The following CELF3 variants were observed in gnomAD, a reference collection of about 807,000 sequenced individuals.
CELF3 encodes the protein CAG repeat domain.
Under a neutral mutation model 59.6 loss-of-function variants are expected in CELF3, and 26 were observed. The ratio of observed to expected loss-of-function variants is 0.44; its 90% CI spans 0.32 to 0.61. The LOEUF (loss-of-function observed/expected upper bound fraction) is 0.61, where lower values mean the gene tolerates loss of function less well. CELF3 is among the 20% of genes least tolerant of loss of function. The probability of loss-of-function intolerance (pLI) is 0.06; values close to 1 mark genes in which losing one functional copy is unlikely to be tolerated. For missense variants in CELF3, 387 were observed against 627.2 expected (o/e 0.62, Z 4.09); for synonymous variants, 245 against 250.7 (o/e 0.98, Z 0.22).
chr1:151,714,432 G>T lies in CELF3; in HGVS notation c.228+162C>A, dbSNP rs1673284104. Reference sequence around the variant, plus strand: ...TCCTTCTCTCCAGGTAACAAGAAATGCATGCATCTACAGCAAGAAAGATGG... The same window carrying T: ...TCCTTCTCTCCAGGTAACAAGAAATTCATGCATCTACAGCAAGAAAGATGG... On this transcript the variant is annotated intron_variant, in intron 2 of 12. Transcript: ENST00000290583. 12 of 693,394 alleles carry T rather than the reference G, an allele frequency of 1.7e-5. No homozygotes were observed. The South Asian group carries it at 1.9e-4, about 11-fold the overall frequency. 43.0% of individuals were successfully genotyped at this position (693,394 alleles called of 1,614,324 possible).
At position 151,709,112 on chromosome 1, in the gene CELF3, G is replaced by A; in HGVS notation, c.407-35C>T. ...TTGAGATGGAGGAGGAGAGGGGTAAGCACCCATCCCTGCGGGACCCCGCGG... is the reference window on the plus strand; with the variant it reads ...TTGAGATGGAGGAGGAGAGGGGTAAACACCCATCCCTGCGGGACCCCGCGG... On this transcript the variant is annotated intron_variant, in intron 4 of 12. Transcript: ENST00000290583. The surrounding 1 kb of genome is among the most constrained non-coding windows in gnomAD (Gnocchi z 4.9). The A allele has an allele frequency of 6.2e-7, 1 of 1,610,602 alleles. No homozygotes were observed.
At position 151,705,732 on chromosome 1, in the gene CELF3, G is replaced by C; in HGVS notation, c.1270+90C>G. On this transcript the variant is annotated intron_variant, in intron 11 of 12. Coordinates refer to ENST00000290583, the MANE Select transcript of CELF3 (RefSeq NM_007185.7). The surrounding 1 kb of genome is among the most constrained non-coding windows in gnomAD (Gnocchi z 5.1). ...TTGGATAATCAGTATTTCAAATACT[G>C]GGTCCACTGTGACCATAAATGCCTT... 5.8e-6 allele frequency: 8 copies of C among 1,372,362 alleles called. No homozygotes were observed. The highest frequency in any genetic ancestry group is 7.1e-6 in the Non-Finnish European group (7 of 988,386). 85.0% of individuals were successfully genotyped at this position (1,372,362 alleles called of 1,614,324 possible).
In CELF3 at chr1:151,714,683, A is replaced by G. The variant is rs1454916993; in HGVS notation, c.146-7T>C. 2 of 1,542,280 alleles carry G rather than the reference A, an allele frequency of 1.3e-6. No individual in the cohort carries two copies. Among genetic ancestry groups the G allele is most frequent in the Non-Finnish European group, 1.8e-6 (2 of 1,140,620 alleles). On this transcript the variant is annotated splice_polypyrimidine_tract_variant and splice_region_variant and intron_variant, in intron 1 of 12. Transcript: ENST00000290583. ...TATGTCAGGAAGGCACATCCTGAGG[A>G]GGGGCAGGGGCAGAGAAACACGGCG...
intron 5 of CELF3, 90 bp from the exon 6 acceptor site, chr1:151,708,025 A>T (rs1461854738): frequency 1.4e-6 from 2 of 1,434,532 alleles, no homozygotes; most frequent in African/African-American, 2.8e-5. Context: ...TTCCACCCCC[A>T]TGGCATGGCT....
chr1:151,705,518 G>A lies in CELF3; in HGVS notation c.1270+304C>T, dbSNP rs1672432907. 6.6e-6 allele frequency among the ~76,000 whole-genome samples: 1 copy of A among 152,190 alleles called. No homozygotes were observed. Among genetic ancestry groups the A allele is most frequent in the Admixed American group, 6.5e-5 (1 of 15,280 alleles). On this transcript the variant is annotated intron_variant, in intron 11 of 12. Coordinates refer to ENST00000290583, the MANE Select transcript of CELF3 (RefSeq NM_007185.7). The surrounding 1 kb of genome is among the most constrained non-coding windows in gnomAD (Gnocchi z 5.1). ...TGAGGAAGACTTTCAAAGATGTGAA[G>A]GCAGCTAAAACCGACTCCCCAAGCC...
intron 1 of CELF3, among the ~76,000 whole-genome samples, chr1:151,715,015 C>T (rs1370257479): frequency 6.6e-6 from 1 of 152,032 alleles, no homozygotes; most frequent in Non-Finnish European, 1.5e-5. Context: ...CCCTCTCTCC[C>T]TCACCTCCAC....
rs907309052 is a variant in CELF3 at position 151,716,584 on chromosome 1, C to G, written c.-564G>C. The G allele has an allele frequency of 1.7e-5, 6 of 348,398 alleles. No homozygotes were observed. The highest frequency in any genetic ancestry group is 1.3e-4 in the African/African-American group (6 of 46,286). The allele number at this position is 348,398 out of a possible 1,614,324, so 21.6% of individuals were successfully genotyped here. On this transcript the variant is annotated 5_prime_UTR_variant, in exon 1 of 13. Transcript: ENST00000290583. Reference sequence around the variant, plus strand: ...ATCCTTCTGCTGGGTCCGAAGATCCCTGATGCCAGATGCTTGATCTCTGAT... The same window carrying G: ...ATCCTTCTGCTGGGTCCGAAGATCCGTGATGCCAGATGCTTGATCTCTGAT...
At chr1:151,706,179 G>A (rs370547349) in intron 10 of CELF3, 45 bp downstream of exon 10, 29 of 1,611,064 alleles carry the variant, frequency 1.8e-5, no homozygotes, top group Non-Finnish European at 2.2e-5. Context: ...GAGTCCCCAA[G>A]CCCATAACGA....
rs368563795 is a variant in CELF3 at position 151,710,099 on chromosome 1, G to A, written c.229-308C>T. 155 of 392,690 alleles carry A rather than the reference G, an allele frequency of 3.9e-4. 1 individual carries two copies. In the East Asian group the frequency reaches 4.2e-3, roughly 11 times the overall value. The allele number at this position is 392,690 out of a possible 1,614,324, so 24.3% of individuals were successfully genotyped here. On this transcript the variant is annotated intron_variant, in intron 2 of 12. Transcript: ENST00000290583. ...AGAAGGGGGCCTGCACATAGGACCC[G>A]GGGCCTGAGAGAGAGCCCGACCAAG...
chr1:151,706,688 C>T lies in CELF3; in HGVS notation c.969G>A (p.Ala323=), dbSNP rs564076056. 58 of 1,551,328 alleles carry T rather than the reference C, an allele frequency of 3.7e-5. No homozygotes were observed. The highest frequency in any genetic ancestry group is 2.5e-4 in the Admixed American group (13 of 51,004). Residue 323 remains alanine, a synonymous_variant, in exon 9 of 13, where the codon GCG becomes GCA. Coordinates refer to ENST00000290583, the MANE Select transcript of CELF3 (RefSeq NM_007185.7). Reference sequence around the variant, plus strand: ...CCTCACCTGTGTAGTGCTGCATCCCCGCGTAGGCCTGCTGCAGGGGGTCCA... The same window carrying T: ...CCTCACCTGTGTAGTGCTGCATCCCTGCGTAGGCCTGCTGCAGGGGGTCCA... ...APVDPLQQAY[A]GMQHYTAAYP...
chr1:151,706,374 G>A lies in CELF3; in HGVS notation c.989-13C>T, dbSNP rs553620231. On this transcript the variant is annotated splice_polypyrimidine_tract_variant and intron_variant, in intron 9 of 12. Coordinates refer to ENST00000290583, the MANE Select transcript of CELF3 (RefSeq NM_007185.7). ...GCTGGGTAGGCTGCTGGGGTGGGGA[G>A]AAGAGAGAGGCTGATGGGGCTTCCC... 9.3e-4 allele frequency: 1,433 copies of A among 1,539,838 alleles called. 21 individuals are homozygous for A. The South Asian group carries it at 0.016, about 17-fold the overall frequency.
rs1558088931 is a variant in CELF3, at chr1:151,700,203, C to T, written c.*3256G>A. Among the ~76,000 whole-genome samples the T allele has an allele frequency of 6.6e-6, 1 of 152,060 alleles. No individual in the cohort carries two copies. The highest frequency in any genetic ancestry group is 2.1e-4 in the South Asian group (1 of 4,822). On this transcript the variant is annotated 3_prime_UTR_variant, in exon 13 of 13. Coordinates refer to ENST00000290583, the MANE Select transcript of CELF3 (RefSeq NM_007185.7). ...GGCTCACAGAAGAATGAGACACTTA[C>T]GCATGGCCATGATACACAGCAGTGA...
Position 151,705,115 on chromosome 1 carries a change from T to A in CELF3, c.1324A>T (p.Asn442Tyr). ...CGCTTCATGCCGATCTGGAAGCCAT[T>A]CATGGCCTGGATGGCAGCCTGGGCA... The part of the protein sequence containing the change: ...ASAQAAIQAM[N>Y]GFQIGMKRLK... Residue 442 changes from asparagine to tyrosine, a missense_variant, in exon 12 of 13, where the codon AAT becomes TAT. Transcript: ENST00000290583. The surrounding 1 kb of genome is among the most constrained non-coding windows in gnomAD (Gnocchi z 5.1). 1 of 1,613,994 alleles carries A rather than the reference T, an allele frequency of 6.2e-7. No individual in the cohort carries two copies. Among genetic ancestry groups the A allele is most frequent in the Non-Finnish European group, 8.5e-7 (1 of 1,179,882 alleles).
chr1:151,714,666 G>A lies in CELF3; in HGVS notation c.156C>T (p.Phe52=). ...CTGAATCCCGGGCACAGTATGTCAGGAAGGCACATCCTGAGGAGGGGCAGG... is the reference window on the plus strand; with the variant it reads ...CTGAATCCCGGGCACAGTATGTCAGAAAGGCACATCCTGAGGAGGGGCAGG... ...KYTGLHKGCA[F]LTYCARDSAL... The change falls in exon 2 of 13, where the codon TTC becomes TTT. Residue 52 remains phenylalanine (F), a synonymous_variant. Transcript: ENST00000290583. 3 of 1,559,152 alleles carry A rather than the reference G, an allele frequency of 1.9e-6. No homozygotes were observed. Among genetic ancestry groups the A allele is most frequent in the Non-Finnish European group, 2.6e-6 (3 of 1,151,256 alleles).
chr1:151,714,760 A>G (rs999158078), intron 1 of CELF3, 84 bp from the exon 2 acceptor site: 324 of 973,346 alleles, frequency 3.3e-4, no homozygotes, highest in Middle Eastern at 6.0e-4. Flanking sequence ...CCAAAGACTG[A>G]CGACTGGGAA....
Position 151,703,357 on chromosome 1 carries a change from C to T in CELF3, c.*102G>A. On this transcript the variant is annotated 3_prime_UTR_variant, in exon 13 of 13. Transcript: ENST00000290583. ...CCACGAAGCAGCGTTTGCCCCAGAA[C>T]CCAGTCAAGGCCCAGGGCAGGTGTG... is the stretch of plus-strand genomic sequence containing the variant. 1 of 441,902 alleles carries T rather than the reference C, an allele frequency of 2.3e-6. No homozygotes were observed. Among genetic ancestry groups the T allele is most frequent in the Non-Finnish European group, 4.6e-6 (1 of 219,430 alleles). The allele number at this position is 441,902 out of a possible 1,614,324, so 27.4% of individuals were successfully genotyped here.
At position 151,706,023 on chromosome 1, in the gene CELF3, A is replaced by C. The variant is rs1162202852; in HGVS notation, c.1127-58T>G. The C allele has an allele frequency of 1.9e-6, 3 of 1,606,060 alleles. No individual in the cohort carries two copies. The Admixed American group carries it at 5.0e-5, about 27-fold the overall frequency. On this transcript the variant is annotated intron_variant, in intron 10 of 12. Transcript: ENST00000290583. Reference sequence around the variant, plus strand: ...AGTGACTGGGAGGCACACACCCCAGAAGCAAATGTCCCAGGGAAAGCAGAT... The same window carrying C: ...AGTGACTGGGAGGCACACACCCCAGCAGCAAATGTCCCAGGGAAAGCAGAT...
In CELF3 at chr1:151,706,724, G is replaced by A. The variant is rs1157048808; in HGVS notation, c.933C>T (p.Pro311=). The A allele has an allele frequency of 3.2e-6, 5 of 1,550,174 alleles. No individual in the cohort carries two copies. The highest frequency in any genetic ancestry group is 3.9e-5 in the Admixed American group (2 of 50,886). ...NGVHPYPAQS[P]AAPVDPLQQA... is the part of the protein sequence containing the mutation. ...GCTGCAGGGGGTCCACGGGGGCCGC[G>A]GGGCTCTGGGCTGGGGAGAGCAGCA... Residue 311 remains proline, a synonymous_variant, in exon 9 of 13, where the codon CCC becomes CCT. Coordinates refer to ENST00000290583, the MANE Select transcript of CELF3 (RefSeq NM_007185.7).
Position 151,701,929 on chromosome 1 carries a change from A to C in CELF3, c.*1530T>G, listed in dbSNP as rs1410483597. ...CAGAGTGAGACCCTGTTTCAAAGTAAATAAGTAAAATAAATAAACTATAGC... is the reference window on the plus strand; with the variant it reads ...CAGAGTGAGACCCTGTTTCAAAGTACATAAGTAAAATAAATAAACTATAGC... On this transcript the variant is annotated 3_prime_UTR_variant, in exon 13 of 13. Transcript: ENST00000290583. 1.3e-5 allele frequency among the ~76,000 whole-genome samples: 2 copies of C among 152,242 alleles called. No individual in the cohort carries two copies. Among genetic ancestry groups the C allele is most frequent in the Non-Finnish European group, 2.9e-5 (2 of 68,046 alleles).
Sources: allele counts gnomAD v4.1 joint callset (sites outside exome capture counted in the v4.1 genomes callset), GRCh38; gene constraint gnomAD v4.1.1; non-coding constraint Gnocchi (gnomAD v3.1); transcripts MANE v1.5; gene names NCBI Gene and HGNC (gene_info 2026-07-23, HGNC 2026-07-21).